The following OMA1 variants were observed in gnomAD, a reference collection of about 807,000 sequenced individuals.
The protein encoded by OMA1 is metalloendopeptidase OMA1, mitochondrial.
Under a neutral mutation model 30.9 loss-of-function variants are expected in OMA1, and 38 were observed. That is an observed-to-expected ratio of 1.23 (90% CI 0.95 to 1.61). The LOEUF (loss-of-function observed/expected upper bound fraction) is 1.61, where lower values mean the gene tolerates loss of function less well. OMA1 is among the 40% of genes most tolerant of loss of function. The pLI is 0.00. For synonymous variants in OMA1, 173 were observed against 121.9 expected (o/e 1.42, Z -2.76); for missense variants, 461 against 349.2 (o/e 1.32, Z -2.55).
intron 8 of OMA1, among the ~76,000 whole-genome samples, chr1:58,493,553 A>G (rs1298866803): frequency 2.0e-5 from 3 of 151,464 alleles, no homozygotes; most frequent in African/African-American, 7.3e-5. Flanking sequence ...TAAGCTGATA[A>G]GCAACTTCAG....
chr1:58,533,673 T>C (rs971927375), intron 5 of OMA1, among the ~76,000 whole-genome samples: 16 of 152,146 alleles, frequency 1.1e-4, no homozygotes, highest in Admixed American at 2.0e-4. Context: ...AAATTTAATT[T>C]GAAATAATTA....
chr1:58,516,426 C>G (rs1000730483), intron 7 of OMA1, among the ~76,000 whole-genome samples: 10 of 152,188 alleles, frequency 6.6e-5, no homozygotes, highest in Admixed American at 5.9e-4. Context: ...AACAGGACCT[C>G]TTTTGTCAGC....
At chr1:58,529,769 T>C (rs957521942) in intron 6 of OMA1, among the ~76,000 whole-genome samples, 4 of 152,192 alleles carry the variant, frequency 2.6e-5, no homozygotes, top group African/African-American at 9.7e-5. Context: ...AAAATATATA[T>C]AGTAAAATAA....
chr1:58,510,144 GC>G (rs34793235), intron 7 of OMA1, among the ~76,000 whole-genome samples: 44,713 of 151,712 alleles, frequency 0.29, 7,170 homozygotes, highest in African/African-American at 0.41. Context: ...TATGAGGCCA[GC>G]CATTACCCTG....
intron 6 of OMA1, among the ~76,000 whole-genome samples, chr1:58,529,997 C>G (rs1646409529): frequency 6.6e-6 from 1 of 152,036 alleles, no homozygotes; most frequent in African/African-American, 2.4e-5. Flanking sequence ...TCTCCTGCCT[C>G]AGCCTCCCAA....
intron 1 of OMA1, among the ~76,000 whole-genome samples, chr1:58,545,665 T>C (rs1272780291): frequency 6.6e-6 from 1 of 152,214 alleles, no homozygotes; most frequent in African/African-American, 2.4e-5. Context: ...CCTTAATTCT[T>C]TAAGTACCAT....
chr1:58,511,333 C>T (rs1374201071), intron 7 of OMA1, among the ~76,000 whole-genome samples: 1 of 152,092 alleles, frequency 6.6e-6, no homozygotes, highest in East Asian at 1.9e-4. Flanking sequence ...AAATACAGAT[C>T]TTTGATGAGG....
intron 7 of OMA1, among the ~76,000 whole-genome samples, chr1:58,520,369 A>C (rs543257305): frequency 2.4e-4 from 36 of 152,348 alleles, no homozygotes; most frequent in African/African-American, 8.4e-4. Flanking sequence ...ACTCAAGAAT[A>C]AGAACACAAA....
At chr1:58,545,900 G>A (rs992730303) in intron 1 of OMA1, among the ~76,000 whole-genome samples, 1 of 152,212 alleles carries the variant, frequency 6.6e-6, no homozygotes, top group Non-Finnish European at 1.5e-5. Context: ...TGGTTCTTAA[G>A]CTTCCAAATG....
chr1:58,494,572 G>C (rs1403957916), intron 8 of OMA1, among the ~76,000 whole-genome samples: 5 of 151,836 alleles, frequency 3.3e-5, no homozygotes, highest in Non-Finnish European at 1.5e-5. Context: ...AAATTTACAA[G>C]AAAAAAACAA....
intron 8 of OMA1, among the ~76,000 whole-genome samples, chr1:58,490,796 T>A (rs1167463765): frequency 2.6e-4 from 5 of 19,076 alleles, no homozygotes; most frequent in African/African-American, 1.5e-3. Flanking sequence ...GTCAACATTC[T>A]TTTTTTTTTT....
At chr1:58,543,619 C>T (rs1048122459) in intron 1 of OMA1, among the ~76,000 whole-genome samples, 6 of 152,174 alleles carry the variant, frequency 3.9e-5, no homozygotes, top group South Asian at 2.1e-4. Flanking sequence ...GCAACAGAAT[C>T]CTACCCCGAC....
At chr1:58,509,196 T>C (rs12072998) in intron 7 of OMA1, among the ~76,000 whole-genome samples, 27,038 of 151,906 alleles carry the variant, frequency 0.18, 2,536 homozygotes, top group Middle Eastern at 0.23. Flanking sequence ...AGGATGAAGA[T>C]AAATCTTCAG....
intron 7 of OMA1, among the ~76,000 whole-genome samples, chr1:58,526,890 A>G (rs932227490): frequency 6.6e-6 from 1 of 152,176 alleles, no homozygotes; most frequent in African/African-American, 2.4e-5. Context: ...GGGATGACAC[A>G]TTACATAACC....
At chr1:58,536,342 T>C (rs372968293) in intron 3 of OMA1, among the ~76,000 whole-genome samples, 171 bp downstream of exon 3, 77 of 152,146 alleles carry the variant, frequency 5.1e-4, no homozygotes, top group African/African-American at 1.8e-3. Flanking sequence ...AAAAGCAATG[T>C]AGGCAGTAGG....
At chr1:58,538,553 A>G (rs1471559770) in intron 2 of OMA1, among the ~76,000 whole-genome samples, 1 of 152,192 alleles carries the variant, frequency 6.6e-6, no homozygotes, top group Non-Finnish European at 1.5e-5. Flanking sequence ...TTTCTATACC[A>G]TAAATTAGTA....
chr1:58,544,171 C>A (rs192411139), intron 1 of OMA1, among the ~76,000 whole-genome samples: 2 of 152,306 alleles, frequency 1.3e-5, no homozygotes, highest in African/African-American at 4.8e-5. Flanking sequence ...TGAAATTTAT[C>A]AATTTTTAAA....
chr1:58,523,716 G>A (rs1039897813), intron 7 of OMA1, among the ~76,000 whole-genome samples: 8 of 152,204 alleles, frequency 5.3e-5, no homozygotes, highest in Middle Eastern at 3.4e-3. Flanking sequence ...TGGCTAACAC[G>A]GTGAAACCCC....
In OMA1 at chr1:58,536,742, CT is replaced by C; in HGVS notation, c.501-2del. 1 of 867,112 alleles carries C rather than the reference CT, an allele frequency of 1.2e-6. No homozygotes were observed. Among genetic ancestry groups the C allele is most frequent in the Non-Finnish European group, 2.0e-6 (1 of 499,988 alleles). The allele number at this position is 867,112 out of a possible 1,614,324, so 53.7% of individuals were successfully genotyped here. The stretch of plus-strand genomic sequence containing the variant: ...TGCCTGCCACCATTTCCTTATGCCC[CT>C]AAAGCAAAAAGAAAAATTCAAAGTT... On this transcript the variant is annotated splice_acceptor_variant, in intron 2 of 8. Coordinates refer to ENST00000371226, the MANE Select transcript of OMA1 (RefSeq NM_145243.5). LOFTEE classifies it high-confidence loss of function.
Sources: allele counts gnomAD v4.1 joint callset (sites outside exome capture counted in the v4.1 genomes callset), GRCh38; gene constraint gnomAD v4.1.1; transcripts MANE v1.5; gene names NCBI Gene and HGNC (gene_info 2026-07-23, HGNC 2026-07-21).